The following PTPRD variants were observed in gnomAD, a reference collection of about 807,000 sequenced individuals.
PTPRD encodes protein tyrosine phosphatase receptor type D.
PTPRD carries 34 observed loss-of-function variants against 214.5 expected under a neutral mutation model. The observed-to-expected ratio is 0.16, with a 90% CI of 0.12 to 0.21. The LOEUF (loss-of-function observed/expected upper bound fraction) is 0.21, where lower values mean the gene tolerates loss of function less well. Among genes scored for constraint, PTPRD ranks in the 10% least tolerant of loss-of-function variants. The pLI is 1.00. For missense variants in PTPRD, 2,545 were observed against 2,398.7 expected (o/e 1.06, Z -1.27); for synonymous variants, 1,128 against 845.7 (o/e 1.33, Z -5.79).
chr9:10,208,755 G>C (rs1055915281), intron 3 of PTPRD, among the ~76,000 whole-genome samples: 2 of 152,106 alleles, frequency 1.3e-5, no homozygotes, highest in African/African-American at 4.8e-5. Context: ...GAAATAAGTA[G>C]AAAAACAGGA....
intron 8 of PTPRD, among the ~76,000 whole-genome samples, chr9:9,437,806 C>G (rs1056376541): frequency 1.3e-5 from 2 of 152,046 alleles, no homozygotes; most frequent in African/African-American, 4.8e-5. Flanking sequence ...TATGCTGATC[C>G]CTCCCTGAAC....
In PTPRD at chr9:9,663,804, T is replaced by C. The variant is rs151198390; in HGVS notation, c.-287+70729A>G. On this transcript the variant is annotated intron_variant, in intron 7 of 45. Coordinates refer to ENST00000381196, the MANE Select transcript of PTPRD (RefSeq NM_002839.4). ...ATATATGGCATGTTATTCTGATAGTTTTAACAGCTGTAACAGTTGATTAAT... is the reference window on the plus strand; with the variant it reads ...ATATATGGCATGTTATTCTGATAGTCTTAACAGCTGTAACAGTTGATTAAT... Among the ~76,000 whole-genome samples the C allele has an allele frequency of 5.4e-3, 819 of 151,688 alleles. 10 individuals carry two copies. The highest frequency in any genetic ancestry group is 0.019 in the African/African-American group (788 of 41,508).
rs58521011 is a variant in PTPRD at position 8,691,396 on chromosome 9, GAAAA to G, written c.64+42380_64+42383del. On this transcript the variant is annotated intron_variant, in intron 12 of 45. Transcript: ENST00000381196. ...GATTCTGAGGCTGTTCTTCTCTAGA[GAAAA>G]AAAAAAAAAAATAGAAGAGTGCTAT... Among the ~76,000 whole-genome samples, 91 of 113,710 alleles carry G rather than the reference GAAAA, an allele frequency of 8.0e-4. 1 individual carries two copies. Among genetic ancestry groups the G allele is most frequent in the African/African-American group, 2.6e-3 (88 of 33,550 alleles). 74.6% of individuals were successfully genotyped at this position (113,710 alleles called of 152,430 possible).
chr9:9,420,193 A>G (rs1330695639), intron 8 of PTPRD, among the ~76,000 whole-genome samples: 1 of 151,820 alleles, frequency 6.6e-6, no homozygotes, highest in Admixed American at 6.6e-5. Flanking sequence ...ATTTTAGAAA[A>G]TAACTATAAT....
At chr9:8,651,850 T>C (rs763340871) in intron 12 of PTPRD, among the ~76,000 whole-genome samples, 2 of 152,162 alleles carry the variant, frequency 1.3e-5, no homozygotes, top group Non-Finnish European at 2.9e-5. Flanking sequence ...TGGATAACAC[T>C]TGGCACTATA....
At chr9:10,467,440 T>TGCACCCTCC (rs2099002077) in intron 2 of PTPRD, among the ~76,000 whole-genome samples, 1 of 152,208 alleles carries the variant, frequency 6.6e-6, no homozygotes, top group Non-Finnish European at 1.5e-5. Flanking sequence ...CAAGTCTTAC[T>TGCACCCTCC]ACACATGCAC....
At chr9:9,091,825 T>A (rs2099776513) in intron 10 of PTPRD, among the ~76,000 whole-genome samples, 1 of 152,224 alleles carries the variant, frequency 6.6e-6, no homozygotes, top group African/African-American at 2.4e-5. Flanking sequence ...CTCTCAGGTT[T>A]CATCTAGGTA....
chr9:9,835,208 A>T (rs2056392672), intron 5 of PTPRD, among the ~76,000 whole-genome samples: 1 of 152,120 alleles, frequency 6.6e-6, no homozygotes, highest in Non-Finnish European at 1.5e-5. Flanking sequence ...CTGCGGATCC[A>T]CTAATCTTGG....
At chr9:9,481,212 A>G (rs935124854) in intron 8 of PTPRD, among the ~76,000 whole-genome samples, 1 of 152,134 alleles carries the variant, frequency 6.6e-6, no homozygotes, top group African/African-American at 2.4e-5. Flanking sequence ...TATTTTTAGT[A>G]TTTATTACCT....
At chr9:9,527,922 A>G (rs2154261331) in intron 8 of PTPRD, among the ~76,000 whole-genome samples, 1 of 152,368 alleles carries the variant, frequency 6.6e-6, no homozygotes, top group East Asian at 1.9e-4. Flanking sequence ...AACATAGTCC[A>G]GATATGAAAT....
At chr9:10,154,334 T>C (rs111280418) in intron 3 of PTPRD, among the ~76,000 whole-genome samples, 4,720 of 152,230 alleles carry the variant, frequency 0.031, 173 homozygotes, top group African/African-American at 0.088. Context: ...TACTTGTAAA[T>C]TTGTTTAAGT....
chr9:10,454,285 C>G (rs79319799), intron 2 of PTPRD, among the ~76,000 whole-genome samples: 2 of 151,566 alleles, frequency 1.3e-5, no homozygotes, highest in African/African-American at 4.8e-5. Flanking sequence ...CTAGATATAA[C>G]TACCCTTCTC....
intron 35 of PTPRD, among the ~76,000 whole-genome samples, chr9:8,415,668 C>G (rs2093880225): frequency 1.3e-5 from 2 of 151,960 alleles, no homozygotes; most frequent in Admixed American, 6.6e-5. Context: ...CTTTAAAAAT[C>G]TGTGTATTAA....
chr9:9,940,227 G>C (rs564249527), intron 4 of PTPRD, among the ~76,000 whole-genome samples: 229 of 152,206 alleles, frequency 1.5e-3, no homozygotes, highest in African/African-American at 5.1e-3. Context: ...TGGTTTGGGA[G>C]TCACAGGTAG....
intron 5 of PTPRD, among the ~76,000 whole-genome samples, chr9:9,783,521 AG>A (rs1209002003): frequency 6.6e-6 from 1 of 152,168 alleles, no homozygotes; most frequent in Non-Finnish European, 1.5e-5. Context: ...ACTGAGGAAT[AG>A]CCACTGATGT....
chr9:9,221,682 A>G (rs1027913230), intron 9 of PTPRD, among the ~76,000 whole-genome samples: 1 of 151,998 alleles, frequency 6.6e-6, no homozygotes, highest in African/African-American at 2.4e-5. Flanking sequence ...TATCTCCTCA[A>G]AGGCCCTATC....
At chr9:10,153,821 T>C (rs925910139) in intron 3 of PTPRD, among the ~76,000 whole-genome samples, 14 of 152,174 alleles carry the variant, frequency 9.2e-5, no homozygotes, top group African/African-American at 3.1e-4. Context: ...GATCTTGTTC[T>C]TTTTAGTGGC....
chr9:9,040,153 G>C (rs1305094226), intron 10 of PTPRD, among the ~76,000 whole-genome samples: 1 of 152,166 alleles, frequency 6.6e-6, no homozygotes, highest in East Asian at 1.9e-4. Context: ...CAAGGGGAAA[G>C]GGCTATGAAA....
At chr9:10,018,534 A>ATCTCTTT (rs1567125400) in intron 4 of PTPRD, among the ~76,000 whole-genome samples, 1 of 63,724 alleles carries the variant, frequency 1.6e-5, no homozygotes, top group East Asian at 3.6e-4. Flanking sequence ...TAAGAATTAC[A>ATCTCTTT]TTTCTTTTTT....
Sources: gnomAD v4.1 joint callset for allele counts (sites outside exome capture counted in the v4.1 genomes callset) on GRCh38, gnomAD v4.1.1 for gene constraint, MANE v1.5 for transcripts, NCBI Gene and HGNC (gene_info 2026-07-23, HGNC 2026-07-21) for gene names.